Variants in SAXO1 observed in about 807,000 individuals in gnomAD.
SAXO1 encodes stabilizer of axonemal microtubules 1.
A neutral mutation model predicts 17.5 loss-of-function variants in SAXO1; 21 were observed. That is an observed-to-expected ratio of 1.20 (90% CI 0.85 to 1.72). SAXO1 has a LOEUF of 1.72. SAXO1 is among the 40% of genes most tolerant of loss of function. SAXO1 has a pLI of 0.00. For missense variants in SAXO1, 843 were observed against 596.0 expected (o/e 1.41, Z -4.32); for synonymous variants, 274 against 216.5 (o/e 1.27, Z -2.33).
intron 1 of SAXO1, among the ~76,000 whole-genome samples, chr9:19,003,553 C>G (rs1401782209): frequency 6.6e-6 from 1 of 152,152 alleles, no homozygotes; most frequent in African/African-American, 2.4e-5. Context: ...GACATATAGA[C>G]AAATGGAATA....
intron 1 of SAXO1, among the ~76,000 whole-genome samples, chr9:18,985,208 C>T (rs1451110733): frequency 6.6e-6 from 1 of 151,970 alleles, no homozygotes; most frequent in Admixed American, 6.6e-5. Flanking sequence ...CTTATACGGG[C>T]GTGGCTCATG....
rs765242590 is a variant in SAXO1 at position 19,033,044 on chromosome 9, T to A, written c.-136A>T. On this transcript the variant is annotated 5_prime_UTR_variant, in exon 1 of 4. Transcript: ENST00000380534. ...GTGTTCTGTTTACTCGAAGGAAAAT[T>A]TAAGTGGCCCTTTTGCAATGTCCTG... 91 of 863,254 alleles carry A rather than the reference T, an allele frequency of 1.1e-4. No homozygotes were observed. Among genetic ancestry groups the A allele is most frequent in the Non-Finnish European group, 1.4e-4 (86 of 593,590 alleles). The allele number at this position is 863,254 out of a possible 1,614,324, so 53.5% of individuals were successfully genotyped here.
intron 1 of SAXO1, among the ~76,000 whole-genome samples, chr9:18,952,339 A>G (rs915239440): frequency 1.3e-5 from 2 of 152,336 alleles, no homozygotes; most frequent in South Asian, 2.1e-4. Flanking sequence ...GGGGAAGTAC[A>G]TGGGGGAAGG....
upstream of SAXO1, among the ~76,000 whole-genome samples, chr9:19,034,973 CTCCA>C (rs548672080): frequency 1.5e-3 from 229 of 152,326 alleles, no homozygotes; most frequent in African/African-American, 5.3e-3. Context: ...TCCCCACTTC[CTCCA>C]TCCATGCCCT....
At chr9:19,020,299 A>G (rs1835167279) in intron 1 of SAXO1, among the ~76,000 whole-genome samples, 1 of 152,148 alleles carries the variant, frequency 6.6e-6, no homozygotes, top group South Asian at 2.1e-4. Context: ...TACTCTTGCT[A>G]AGTTCCAGTT....
chr9:18,976,531 C>G (rs1364210941), intron 1 of SAXO1, among the ~76,000 whole-genome samples: 2 of 152,188 alleles, frequency 1.3e-5, no homozygotes, highest in African/African-American at 4.8e-5. Flanking sequence ...AAGATGCTGA[C>G]TGTTTTTGAA....
At chr9:19,034,907 C>T (rs1226605042), upstream of SAXO1, among the ~76,000 whole-genome samples, 1 of 152,158 alleles carries the variant, frequency 6.6e-6, no homozygotes, top group Non-Finnish European at 1.5e-5. Flanking sequence ...CCTGTTCATG[C>T]CCCCTGCCAT....
At chr9:18,966,634 G>C (rs367994701) in intron 1 of SAXO1, among the ~76,000 whole-genome samples, 4 of 152,014 alleles carry the variant, frequency 2.6e-5, no homozygotes, top group African/African-American at 7.3e-5. Context: ...CTAGTTAGCA[G>C]TTCCTGTAAC....
At position 18,973,030 on chromosome 9, in the gene SAXO1, C is replaced by T. The variant is rs530175672; in HGVS notation, c.39-22093G>A. ...TGACTAAAATCAGGGCATAAAGCCA[C>T]CCCTGGCTGCACGGGGAGCTGCAAA... On this transcript the variant is annotated intron_variant, in intron 1 of 3. Transcript: ENST00000380534. Among the ~76,000 whole-genome samples, 27 of 152,326 alleles carry T rather than the reference C, an allele frequency of 1.8e-4. No homozygotes were observed. In the South Asian group the frequency reaches 5.6e-3, roughly 32 times the overall value.
At chr9:18,959,954 T>G (rs149210499) in intron 1 of SAXO1, among the ~76,000 whole-genome samples, 2 of 152,168 alleles carry the variant, frequency 1.3e-5, no homozygotes, top group Admixed American at 1.3e-4. Context: ...GGACAGGTGA[T>G]AGCAGATGCT....
chr9:18,981,335 C>T (rs2131820693), intron 1 of SAXO1, among the ~76,000 whole-genome samples: 1 of 152,296 alleles, frequency 6.6e-6, no homozygotes, highest in South Asian at 2.1e-4. Context: ...TGGTCCACAC[C>T]AATTTCCAAA....
chr9:18,953,117 A>AG (rs1261252112), intron 1 of SAXO1, among the ~76,000 whole-genome samples: 1 of 152,218 alleles, frequency 6.6e-6, no homozygotes, highest in Non-Finnish European at 1.5e-5. Flanking sequence ...TCGAAAGCCA[A>AG]GAAGCACTGG....
chr9:19,025,365 AT>A (rs1246167673), intron 1 of SAXO1, among the ~76,000 whole-genome samples: 3 of 151,994 alleles, frequency 2.0e-5, no homozygotes, highest in Non-Finnish European at 4.4e-5. Context: ...CAAGTCCTCA[AT>A]TTTTTTTCCT....
intron 1 of SAXO1, among the ~76,000 whole-genome samples, chr9:18,961,764 T>C (rs1177149955): frequency 1.3e-5 from 2 of 152,188 alleles, no homozygotes; most frequent in African/African-American, 4.8e-5. Flanking sequence ...GGGTTCCAAG[T>C]CTTTGCTATT....
chr9:19,000,014 C>T (rs1396708615), intron 1 of SAXO1, among the ~76,000 whole-genome samples: 2 of 145,074 alleles, frequency 1.4e-5, no homozygotes, highest in East Asian at 4.2e-4. Flanking sequence ...CCGGCTGTCC[C>T]ACTGTCTGGG....
chr9:19,005,711 G>C (rs1299325282), intron 1 of SAXO1, among the ~76,000 whole-genome samples: 1 of 152,168 alleles, frequency 6.6e-6, no homozygotes, highest in African/African-American at 2.4e-5. Flanking sequence ...CATGACATTG[G>C]ATTTGGCAAT....
rs565972316 is a variant in SAXO1 at position 19,041,628 on chromosome 9, C to G, written c.-158+7581G>C. Among the ~76,000 whole-genome samples the G allele has an allele frequency of 3.3e-5, 5 of 152,220 alleles. No individual in the cohort carries two copies. In the South Asian group the frequency reaches 6.2e-4, roughly 19 times the overall value. On this transcript the variant is annotated intron_variant, in intron 1 of 3. Coordinates refer to the SAXO1 transcript ENST00000542071. ...GACCAATAGAACAGAAAAGAAAAAG[C>G]AGAAACAAATCTATACATCAAAAGT...
intron 1 of SAXO1, among the ~76,000 whole-genome samples, chr9:19,044,424 G>A (rs1052693889): frequency 2.6e-5 from 4 of 152,126 alleles, no homozygotes; most frequent in Admixed American, 6.5e-5. Context: ...TTGAACACAC[G>A]CATTTATCTT....
At position 19,029,232 on chromosome 9, in the gene SAXO1, G is replaced by T. The variant is rs116648175; in HGVS notation, c.38+3639C>A. Reference sequence around the variant, plus strand: ...TTGAAAGGACATTAAAGAATTATTTGCTCAAGAAAAACTTCGGAAGAAGAG... The same window carrying T: ...TTGAAAGGACATTAAAGAATTATTTTCTCAAGAAAAACTTCGGAAGAAGAG... On this transcript the variant is annotated intron_variant, in intron 1 of 3. Coordinates refer to ENST00000380534, the MANE Select transcript of SAXO1 (RefSeq NM_153707.4). Among the ~76,000 whole-genome samples, 723 of 152,274 alleles carry T rather than the reference G, an allele frequency of 4.7e-3. 4 individuals are homozygous for T. Among genetic ancestry groups the T allele is most frequent in the African/African-American group, 0.017 (697 of 41,550 alleles).
Sources: gnomAD v4.1 joint callset for allele counts (sites outside exome capture counted in the v4.1 genomes callset) on GRCh38, gnomAD v4.1.1 for gene constraint, MANE v1.5 for transcripts, NCBI Gene and HGNC (gene_info 2026-07-23, HGNC 2026-07-21) for gene names.